Variants in PRKCA observed in about 807,000 individuals in gnomAD.
PRKCA encodes the protein protein kinase C alpha.
In PRKCA, 27 loss-of-function variants were observed where a neutral mutation model predicts 87.0. The observed-to-expected ratio is 0.31, with a 90% CI of 0.23 to 0.43. The LOEUF is 0.43. Ranked by LOEUF, PRKCA falls within the 20% of genes least tolerant of loss-of-function variation. The pLI is 1.00. For missense variants in PRKCA, 518 were observed against 852.3 expected, an observed-to-expected ratio of 0.61 and a Z score of 4.88; for synonymous variants, 329 against 311.1, an observed-to-expected ratio of 1.06 and a Z score of -0.61.
intron 2 of PRKCA, among the ~76,000 whole-genome samples, chr17:66,363,663 G>A (rs1908526558): frequency 6.6e-6 from 1 of 152,018 alleles, no homozygotes; most frequent in Admixed American, 6.6e-5. Flanking sequence ...GCCACGGGGT[G>A]GATATAGAAA....
At position 66,453,879 on chromosome 17, in the gene PRKCA, C is replaced by T. The variant is rs1914455069; in HGVS notation, c.206-42322C>T. ...CAGAATACTTTGGGTTTTTTCAGAT[C>T]CAATAGCAGGAGCATCCAGGCTTTT... On this transcript the variant is annotated intron_variant, in intron 2 of 16. Transcript: ENST00000413366. Among the ~76,000 whole-genome samples the T allele has an allele frequency of 2.6e-5, 4 of 152,148 alleles. 1 individual carries two copies. In the South Asian group the frequency reaches 6.2e-4, roughly 24 times the overall value.
intron 2 of PRKCA, among the ~76,000 whole-genome samples, chr17:66,480,365 TATAAG>T (rs1915727514): frequency 6.6e-6 from 1 of 152,172 alleles, no homozygotes. Context: ...ACATACTTGA[TATAAG>T]AGAGGTAATT....
chr17:66,770,435 A>C (rs1408897495), intron 13 of PRKCA, among the ~76,000 whole-genome samples: 1 of 152,178 alleles, frequency 6.6e-6, no homozygotes, highest in African/African-American at 2.4e-5. Context: ...ATGGTATAGC[A>C]GTTCTGTGTT....
chr17:66,382,415 C>T (rs978631617), intron 2 of PRKCA, among the ~76,000 whole-genome samples: 1 of 152,170 alleles, frequency 6.6e-6, no homozygotes. Flanking sequence ...ATTCTCCTGC[C>T]TCAGTCTCCC....
intron 16 of PRKCA, 90 bp downstream of exon 16, chr17:66,789,069 C>T (rs1975470024): frequency 7.2e-7 from 1 of 1,381,382 alleles, no homozygotes; most frequent in African/African-American, 3.2e-5. Context: ...AGAGAGGAGG[C>T]CGGTGCCCCT....
At chr17:66,473,536 G>A (rs1915416220) in intron 2 of PRKCA, among the ~76,000 whole-genome samples, 1 of 152,106 alleles carries the variant, frequency 6.6e-6, no homozygotes, top group Non-Finnish European at 1.5e-5. Context: ...CCATTCTACT[G>A]TTGTTCAAGT....
At chr17:66,720,416 G>A (rs1475676541) in intron 8 of PRKCA, among the ~76,000 whole-genome samples, 2 of 152,182 alleles carry the variant, frequency 1.3e-5, no homozygotes, top group African/African-American at 2.4e-5. Context: ...CCCCGTTACC[G>A]AGTAGAAGAT....
intron 8 of PRKCA, among the ~76,000 whole-genome samples, chr17:66,716,426 A>G (rs1038449470): frequency 2.0e-5 from 3 of 152,218 alleles, no homozygotes; most frequent in African/African-American, 7.2e-5. Context: ...GCCGGGCATC[A>G]GACGCAAGTG....
intron 14 of PRKCA, among the ~76,000 whole-genome samples, chr17:66,776,470 T>G (rs1975051983): frequency 6.6e-6 from 1 of 152,026 alleles, no homozygotes; most frequent in African/African-American, 2.4e-5. Flanking sequence ...CCAACACGCT[T>G]GGCTAATTTT....
At chr17:66,442,225 ATT>A (rs141847660) in intron 2 of PRKCA, among the ~76,000 whole-genome samples, 4 of 143,594 alleles carry the variant, frequency 2.8e-5, no homozygotes, top group Non-Finnish European at 4.6e-5. Context: ...TGCCTGGCTG[ATT>A]TTTTTTTTTT....
chr17:66,674,893 AC>A (rs2143967607), intron 5 of PRKCA, among the ~76,000 whole-genome samples: 1 of 152,020 alleles, frequency 6.6e-6, no homozygotes, highest in East Asian at 1.9e-4. Flanking sequence ...GAAATCAGTT[AC>A]CTCCTTATGC....
At chr17:66,582,038 G>A (rs1227683170) in intron 3 of PRKCA, among the ~76,000 whole-genome samples, 2 of 152,164 alleles carry the variant, frequency 1.3e-5, no homozygotes, top group East Asian at 3.9e-4. Context: ...GAGTCACGGA[G>A]GATCCTAGTT....
At chr17:66,649,856 A>C (rs1860986) in intron 5 of PRKCA, among the ~76,000 whole-genome samples, 1 of 152,018 alleles carries the variant, frequency 6.6e-6, no homozygotes, top group African/African-American at 2.4e-5. Flanking sequence ...CTTGGGAGGT[A>C]CTGAGGGTGG....
At chr17:66,627,097 A>G (rs1360923399) in intron 3 of PRKCA, among the ~76,000 whole-genome samples, 3 of 152,240 alleles carry the variant, frequency 2.0e-5, no homozygotes, top group East Asian at 1.9e-4. Flanking sequence ...TGTCTGCTAC[A>G]TGTAGAAATA....
chr17:66,508,693 A>G (rs535440692), intron 3 of PRKCA, among the ~76,000 whole-genome samples: 72 of 152,112 alleles, frequency 4.7e-4, no homozygotes, highest in Non-Finnish European at 8.4e-4. Flanking sequence ...TCCAAGTGCT[A>G]CGAGTTCTGC....
chr17:66,349,716 C>G (rs1274178028), intron 2 of PRKCA, among the ~76,000 whole-genome samples: 1 of 152,128 alleles, frequency 6.6e-6, no homozygotes, highest in Non-Finnish European at 1.5e-5. Flanking sequence ...ACACAAAATT[C>G]ATTCCTCCAA....
rs577230857 is a variant in PRKCA at position 66,369,233 on chromosome 17, G to A, written c.205+63106G>A. On this transcript the variant is annotated intron_variant, in intron 2 of 16. Transcript: ENST00000413366. ...GATGATGCTATTGCAGAGCCTCCAA[G>A]ATTTTGCCTCTTTTTTATGAGCTTT... Among the ~76,000 whole-genome samples, 51 of 152,294 alleles carry A rather than the reference G, an allele frequency of 3.3e-4. No individual in the cohort carries two copies. The South Asian group carries it at 0.01, about 31-fold the overall frequency.
chr17:66,618,809 T>C (rs1030358929), intron 3 of PRKCA, among the ~76,000 whole-genome samples: 1 of 152,222 alleles, frequency 6.6e-6, no homozygotes, highest in African/African-American at 2.4e-5. Context: ...TGAAGAGAAT[T>C]GCTAAGGCAA....
At chr17:66,633,183 C>T (rs1439717028) in intron 3 of PRKCA, among the ~76,000 whole-genome samples, 1 of 152,154 alleles carries the variant, frequency 6.6e-6, no homozygotes, top group East Asian at 1.9e-4. Flanking sequence ...GTACATGATA[C>T]ACAATGTAAT....
Sources: gnomAD v4.1 joint callset for allele counts (sites outside exome capture counted in the v4.1 genomes callset) on GRCh38, gnomAD v4.1.1 for gene constraint, MANE v1.5 for transcripts, NCBI Gene and HGNC (gene_info 2026-07-23, HGNC 2026-07-21) for gene names.